Variants in GRIK3 observed in about 807,000 individuals in gnomAD.
GRIK3 encodes glutamate receptor ionotropic, kainate 3.
A neutral mutation model predicts 102.5 loss-of-function variants in GRIK3; 29 were observed. That is an observed-to-expected ratio of 0.28 (90% confidence interval 0.21 to 0.39). The LOEUF is 0.39. Among genes scored for constraint, GRIK3 ranks in the 10% least tolerant of loss-of-function variants. The probability of loss-of-function intolerance (pLI) is 1.00; values close to 1 mark genes in which losing one functional copy is unlikely to be tolerated. For synonymous variants in GRIK3, 511 were observed against 504.9 expected (o/e 1.01, Z -0.16); for missense variants, 908 against 1,252.4 (o/e 0.73, Z 4.15).
intron 6 of GRIK3, 92 bp from the exon 7 acceptor site, chr1:36,859,343 G>T: frequency 7.4e-7 from 1 of 1,351,716 alleles, no homozygotes. Flanking sequence ...CTTGCCACAG[G>T]TACATGATGT....
intron 13 of GRIK3, among the ~76,000 whole-genome samples, chr1:36,809,768 G>T (rs3820270): frequency 0.013 from 1,916 of 152,306 alleles, 119 homozygotes; most frequent in Admixed American, 0.099. Context: ...TCTGAGGAAA[G>T]ACACAAGAAA....
chr1:36,948,560 T>C (rs1641808809), intron 1 of GRIK3, among the ~76,000 whole-genome samples: 2 of 152,010 alleles, frequency 1.3e-5, no homozygotes, highest in South Asian at 4.1e-4. Context: ...ACAATCAACC[T>C]GGGAAAATCA....
intron 5 of GRIK3, among the ~76,000 whole-genome samples, chr1:36,863,157 T>A (rs1640745271): frequency 6.6e-6 from 1 of 152,156 alleles, no homozygotes; most frequent in Non-Finnish European, 1.5e-5. Flanking sequence ...TTAGGCCTTT[T>A]GCTCAAGGTT....
rs944788331 is a variant in GRIK3 at position 37,032,778 on chromosome 1, G to C, written c.115+1216C>G. ...ATCCAGATGGTGTTCAAGAGGGTCC[G>C]GCTCCCGGGCGGCCGCCCAGGAGGA... is the stretch of plus-strand genomic sequence containing the variant. On this transcript the variant is annotated intron_variant, in intron 1 of 15. Coordinates refer to ENST00000373091, the MANE Select transcript of GRIK3 (RefSeq NM_000831.4). Among the ~76,000 whole-genome samples the C allele has an allele frequency of 3.3e-5, 5 of 152,272 alleles. No individual in the cohort carries two copies. In the East Asian group the frequency reaches 9.7e-4, roughly 30 times the overall value.
intron 1 of GRIK3, among the ~76,000 whole-genome samples, chr1:36,897,479 G>A (rs1641184522): frequency 6.6e-6 from 1 of 152,082 alleles, no homozygotes; most frequent in Non-Finnish European, 1.5e-5. Context: ...ATAAAATGGG[G>A]AAATTATTTA....
At chr1:36,980,303 C>T (rs113416320) in intron 1 of GRIK3, among the ~76,000 whole-genome samples, 47 of 152,222 alleles carry the variant, frequency 3.1e-4, no homozygotes, top group African/African-American at 1.1e-3. Context: ...CTCTGCTCAG[C>T]CCTCCAGCCC....
chr1:36,944,127 G>A (rs184654413), intron 1 of GRIK3, among the ~76,000 whole-genome samples: 1 of 152,320 alleles, frequency 6.6e-6, no homozygotes, highest in East Asian at 1.9e-4. Context: ...CTCAAACTGA[G>A]TGCTCCTCAA....
At chr1:36,812,867 C>T (rs761104344) in intron 13 of GRIK3, among the ~76,000 whole-genome samples, 1 of 152,218 alleles carries the variant, frequency 6.6e-6, no homozygotes, top group African/African-American at 2.4e-5. Context: ...TACAGGCTGC[C>T]CACTCAGTTC....
intron 1 of GRIK3, among the ~76,000 whole-genome samples, chr1:37,003,024 T>C (rs1396575571): frequency 2.1e-5 from 3 of 142,766 alleles, no homozygotes; most frequent in African/African-American, 5.5e-5. Context: ...AGCTGTTGTT[T>C]TTTTTTTTTT....
chr1:37,023,675 C>T (rs1642738054), intron 1 of GRIK3, among the ~76,000 whole-genome samples: 1 of 152,076 alleles, frequency 6.6e-6, no homozygotes, highest in Non-Finnish European at 1.5e-5. Flanking sequence ...TATGTTTATC[C>T]CAGGCTCAGA....
chr1:37,015,919 G>C (rs1393372441), intron 1 of GRIK3, among the ~76,000 whole-genome samples: 1 of 152,244 alleles, frequency 6.6e-6, no homozygotes, highest in African/African-American at 2.4e-5. Flanking sequence ...GCCAAGATCT[G>C]GTGCCTGCAC....
At chr1:36,813,641 C>G (rs933319121) in intron 13 of GRIK3, among the ~76,000 whole-genome samples, 1 of 152,142 alleles carries the variant, frequency 6.6e-6, no homozygotes, top group Non-Finnish European at 1.5e-5. Flanking sequence ...TCTGTGCTAA[C>G]CAGAAGGCTA....
Position 36,801,800 on chromosome 1 carries a change from T to C in GRIK3, c.*51A>G. The C allele has an allele frequency of 6.8e-7, 1 of 1,477,072 alleles. No individual in the cohort carries two copies. Among genetic ancestry groups the C allele is most frequent in the Non-Finnish European group, 9.1e-7 (1 of 1,095,300 alleles). 91.5% of individuals were successfully genotyped at this position (1,477,072 alleles called of 1,614,324 possible). On this transcript the variant is annotated 3_prime_UTR_variant, in exon 16 of 16. Transcript: ENST00000373091. The stretch of plus-strand genomic sequence containing the variant: ...CAGGGGACGTTCCTTCCAATCTCCT[T>C]TGCTTTCCTCTGCCCAGCCCCCAGG...
chr1:36,866,191 G>C (rs1396666833), intron 5 of GRIK3, among the ~76,000 whole-genome samples: 1 of 152,234 alleles, frequency 6.6e-6, no homozygotes, highest in Non-Finnish European at 1.5e-5. Context: ...TAAAATCAGA[G>C]GGTTTTGGAA....
At chr1:36,868,219 C>T (rs568262407) in intron 5 of GRIK3, among the ~76,000 whole-genome samples, 115 of 152,336 alleles carry the variant, frequency 7.5e-4, no homozygotes, top group South Asian at 2.3e-3. Context: ...CTGCTCCCAG[C>T]TCTGGACAGA....
At chr1:36,830,445 A>T (rs375678833) in intron 10 of GRIK3, among the ~76,000 whole-genome samples, 1 of 152,008 alleles carries the variant, frequency 6.6e-6, no homozygotes, top group African/African-American at 2.4e-5. Context: ...TGCAGATGAA[A>T]TCGAGTTAAA....
chr1:36,800,304 C>A lies in GRIK3; in HGVS notation c.*1547G>T, dbSNP rs1023648777. On this transcript the variant is annotated 3_prime_UTR_variant, in exon 16 of 16. Transcript: ENST00000373091. ...CTCCCCTGTTCAAAACCTGCCCCTC[C>A]ATCCTTGGCCATGGTAACCCTGCTG... The A allele has an allele frequency of 2.0e-5, 3 of 152,328 alleles. No homozygotes were observed. Among genetic ancestry groups the A allele is most frequent in the Admixed American group, 6.5e-5 (1 of 15,286 alleles). 9.4% of individuals were successfully genotyped at this position (152,328 alleles called of 1,614,324 possible). A position where few individuals can be genotyped will look rare whatever the true frequency, so the allele number is the denominator to read the frequency against.
At chr1:36,802,260 G>A (rs1002545615) in intron 15 of GRIK3, among the ~76,000 whole-genome samples, 2 of 152,202 alleles carry the variant, frequency 1.3e-5, no homozygotes, top group African/African-American at 4.8e-5. Flanking sequence ...GACTAAGGTA[G>A]GTGGGGCATC....
intron 3 of GRIK3, among the ~76,000 whole-genome samples, chr1:36,878,900 C>T (rs1422078782): frequency 2.6e-5 from 4 of 152,112 alleles, no homozygotes; most frequent in East Asian, 3.9e-4. Context: ...AAACAGTAGC[C>T]TTCTTTAGCA....
Sources: gnomAD v4.1 joint callset for allele counts (sites outside exome capture counted in the v4.1 genomes callset) on GRCh38, gnomAD v4.1.1 for gene constraint, MANE v1.5 for transcripts, NCBI Gene and HGNC (gene_info 2026-07-23, HGNC 2026-07-21) for gene names.